Variants in DPYSL3 observed in about 807,000 individuals in gnomAD.
DPYSL3 encodes the protein dihydropyrimidinase-related protein 3.
A neutral mutation model predicts 66.1 loss-of-function variants in DPYSL3; 16 were observed. The ratio of observed to expected loss-of-function variants is 0.24; its 90% confidence interval spans 0.16 to 0.37. The LOEUF is 0.37. DPYSL3 is among the 10% of genes least tolerant of loss of function. The pLI is 1.00. For synonymous variants in DPYSL3, 338 were observed against 345.1 expected (o/e 0.98, Z 0.23); for missense variants, 738 against 916.2 (o/e 0.81, Z 2.51).
chr5:147,427,276 T>G (rs1188721656), intron 1 of DPYSL3, among the ~76,000 whole-genome samples: 1 of 152,248 alleles, frequency 6.6e-6, no homozygotes, highest in African/African-American at 2.4e-5. Flanking sequence ...CTGATTTATT[T>G]ATTACTCAAG....
In DPYSL3 at chr5:147,424,914, G is replaced by T; in HGVS notation, c.431C>A (p.Ser144Tyr). The change falls in exon 2 of 14, where the codon TCC (serine) becomes TAC (tyrosine). Residue 144 changes from serine to tyrosine, a missense_variant. By Grantham distance (144) the Ser-to-Tyr change is moderately radical. Coordinates refer to ENST00000343218, the MANE Select transcript of DPYSL3 (RefSeq NM_001197294.2). The stretch of plus-strand genomic sequence containing the variant: ...TTCCATGTAAATATCAGCATAAAAG[G>T]ACTGATCATCATTGACGATTCTGCC... ...KGGRIVNDDQ[S>Y]FYADIYMEDG... 1.2e-6 allele frequency: 2 copies of T among 1,612,882 alleles called. No individual in the cohort carries two copies. Among genetic ancestry groups the T allele is most frequent in the Non-Finnish European group, 1.7e-6 (2 of 1,179,394 alleles).
Position 147,509,947 on chromosome 5 carries a change from G to T in DPYSL3, c.-89C>A. The stretch of plus-strand genomic sequence containing the variant: ...CAGCGTGCGCCGAGCCACAGTGACT[G>T]TGGCGGGAGGAGGCGCCTGAGCCTT... On this transcript the variant is annotated 5_prime_UTR_variant, in exon 1 of 14. Coordinates refer to ENST00000343218, the MANE Select transcript of DPYSL3 (RefSeq NM_001197294.2). The surrounding 1 kb of genome is among the most constrained non-coding windows in gnomAD (Gnocchi z 5.3). The T allele has an allele frequency of 7.0e-7, 1 of 1,435,914 alleles. No homozygotes were observed. The highest frequency in any genetic ancestry group is 9.1e-7 in the Non-Finnish European group (1 of 1,098,514). 88.9% of individuals were successfully genotyped at this position (1,435,914 alleles called of 1,614,324 possible). A position where few individuals can be genotyped will look rare whatever the true frequency, so the allele number is the denominator to read the frequency against.
intron 1 of DPYSL3, among the ~76,000 whole-genome samples, chr5:147,434,828 T>G (rs1752387569): frequency 6.6e-6 from 1 of 152,192 alleles, no homozygotes; most frequent in Non-Finnish European, 1.5e-5. Flanking sequence ...TAGACGATAC[T>G]GCAATGATAG....
At chr5:147,470,931 G>C (rs992284219) in intron 1 of DPYSL3, among the ~76,000 whole-genome samples, 2 of 152,112 alleles carry the variant, frequency 1.3e-5, no homozygotes, top group Non-Finnish European at 2.9e-5. Context: ...ATGTTATAAT[G>C]ATCTGTTTTG....
chr5:147,486,738 G>C, intron 1 of DPYSL3, among the ~76,000 whole-genome samples: 1 of 152,162 alleles, frequency 6.6e-6, no homozygotes, highest in Middle Eastern at 3.2e-3. Context: ...AAGAATACAT[G>C]AGTCAAAGAG....
At chr5:147,457,403 G>A (rs1471057859) in intron 1 of DPYSL3, among the ~76,000 whole-genome samples, 1 of 152,098 alleles carries the variant, frequency 6.6e-6, no homozygotes, top group Non-Finnish European at 1.5e-5. Context: ...AATTATTAGG[G>A]GAGTGAATGT....
chr5:147,489,503 C>T (rs1469429778), intron 1 of DPYSL3, among the ~76,000 whole-genome samples: 1 of 152,098 alleles, frequency 6.6e-6, no homozygotes, highest in Non-Finnish European at 1.5e-5. Context: ...GATATTAATG[C>T]CTATTTTGTA....
chr5:147,415,663 CAAG>C (rs1203151643), intron 4 of DPYSL3, 43 bp downstream of exon 4: 6 of 1,593,386 alleles, frequency 3.8e-6, no homozygotes, highest in African/African-American at 1.3e-5. Flanking sequence ...GAAGGACTGG[CAAG>C]AAGAAGCTAA....
intron 1 of DPYSL3, among the ~76,000 whole-genome samples, chr5:147,468,920 G>A (rs967850566): frequency 5.3e-5 from 8 of 152,120 alleles, no homozygotes; most frequent in Non-Finnish European, 7.4e-5. Flanking sequence ...CAGCAATAAT[G>A]ATATTCATAT....
chr5:147,453,719 G>A, intron 1 of DPYSL3: 3 of 1,315,560 alleles, frequency 2.3e-6, no homozygotes, highest in Non-Finnish European at 2.9e-6. Context: ...CGCCGCCTCC[G>A]CCCGCCTCCG....
At chr5:147,485,178 C>G (rs116427795) in intron 1 of DPYSL3, among the ~76,000 whole-genome samples, 1 of 152,344 alleles carries the variant, frequency 6.6e-6, no homozygotes, top group Non-Finnish European at 1.5e-5. Context: ...GAAAACACGT[C>G]ACACGTTATT....
intron 1 of DPYSL3, among the ~76,000 whole-genome samples, chr5:147,481,571 T>C (rs928251609): frequency 4.0e-4 from 61 of 152,206 alleles, no homozygotes; most frequent in African/African-American, 1.4e-3. Flanking sequence ...GGTTTGAATA[T>C]GTTCACCAGA....
intron 2 of DPYSL3, among the ~76,000 whole-genome samples, chr5:147,421,069 C>T (rs1752067251): frequency 6.6e-6 from 1 of 152,192 alleles, no homozygotes; most frequent in South Asian, 2.1e-4. Context: ...GAGAGGAAGT[C>T]AAATAGTCTC....
At chr5:147,477,553 AC>A (rs1402034228) in intron 1 of DPYSL3, among the ~76,000 whole-genome samples, 1 of 136,152 alleles carries the variant, frequency 7.3e-6, no homozygotes, top group Admixed American at 7.3e-5. Flanking sequence ...AAATAAAAAC[AC>A]CTAAATCTTT....
chr5:147,453,761 GAGACAAT>G, intron 1 of DPYSL3: 1 of 1,316,356 alleles, frequency 7.6e-7, no homozygotes, highest in Non-Finnish European at 9.7e-7. Flanking sequence ...GCGGCTGCCA[GAGACAAT>G]AGTAAATCTC....
At chr5:147,432,713 C>CT (rs1437659897) in intron 1 of DPYSL3, among the ~76,000 whole-genome samples, 1 of 152,196 alleles carries the variant, frequency 6.6e-6, no homozygotes, top group East Asian at 1.9e-4. Flanking sequence ...CATTTGTGCA[C>CT]TACCTGCATG....
chr5:147,426,968 A>G (rs1244397384), intron 1 of DPYSL3, among the ~76,000 whole-genome samples: 2 of 152,228 alleles, frequency 1.3e-5, no homozygotes, highest in Non-Finnish European at 2.9e-5. Flanking sequence ...CACACATGAT[A>G]TACAAGCCCC....
rs1265792687 is a variant in DPYSL3, at chr5:147,424,948, T to C, written c.397A>G (p.Ile133Val). The C allele has an allele frequency of 1.2e-6, 2 of 1,613,126 alleles. No individual in the cohort carries two copies. The highest frequency in any genetic ancestry group is 1.7e-6 in the Non-Finnish European group (2 of 1,179,408). ...TCATTGACGATTCTGCCTCCCTTGATAAGGAGACGGTCACTCTAGAAAAGA... is the reference window on the plus strand; with the variant it reads ...TCATTGACGATTCTGCCTCCCTTGACAAGGAGACGGTCACTCTAGAAAAGA... ...GPKDKSDRLL[I>V]KGGRIVNDDQ... The change falls in exon 2 of 14, where the codon ATC becomes GTC. Residue 133 changes from isoleucine (I) to valine (V), a missense_variant. By Grantham distance (29) the Ile-to-Val change is conservative. Transcript: ENST00000343218.
At chr5:147,456,480 C>A (rs1454579655) in intron 1 of DPYSL3, among the ~76,000 whole-genome samples, 1 of 152,066 alleles carries the variant, frequency 6.6e-6, no homozygotes, top group African/African-American at 2.4e-5. Flanking sequence ...GTACTCCATT[C>A]CAGTTGCTCA....
Sources: allele counts gnomAD v4.1 joint callset (sites outside exome capture counted in the v4.1 genomes callset), GRCh38; gene constraint gnomAD v4.1.1; non-coding constraint Gnocchi (gnomAD v3.1); transcripts MANE v1.5; gene names NCBI Gene and HGNC (gene_info 2026-07-23, HGNC 2026-07-21).